The following PTPRM variants were observed in gnomAD, a reference collection of about 807,000 sequenced individuals.
PTPRM encodes receptor-type tyrosine-protein phosphatase mu.
PTPRM carries 47 observed loss-of-function variants against 186.7 expected under a neutral mutation model. That is an observed-to-expected ratio of 0.25 (90% confidence interval 0.20 to 0.32). PTPRM has a LOEUF of 0.32. PTPRM is among the 10% of genes least tolerant of loss of function. The probability of loss-of-function intolerance (pLI) is 1.00; values close to 1 mark genes in which losing one functional copy is unlikely to be tolerated. For synonymous variants in PTPRM, 668 were observed against 674.9 expected, an observed-to-expected ratio of 0.99 and a Z score of 0.16; for missense variants, 1,494 against 1,865.0, an observed-to-expected ratio of 0.80 and a Z score of 3.66.
Position 7,906,880 on chromosome 18 carries a change from C to T in PTPRM, c.547+297C>T, listed in dbSNP as rs1443811588. Among the ~76,000 whole-genome samples the T allele has an allele frequency of 2.0e-5, 3 of 152,288 alleles. No homozygotes were observed. The Middle Eastern group carries it at 0.01, about 518-fold the overall frequency. ...ATTTGTTGCCGTGGTCTTTAGAATT[C>T]GCTTTTCAGTAGTAGCACAAAGTTA... On this transcript the variant is annotated intron_variant, in intron 4 of 32. Transcript: ENST00000580170.
At chr18:8,347,496 T>C (rs1004238480) in intron 23 of PTPRM, among the ~76,000 whole-genome samples, 2 of 152,186 alleles carry the variant, frequency 1.3e-5, no homozygotes, top group Non-Finnish European at 2.9e-5. Flanking sequence ...GCCCACTGTG[T>C]CTGAGACATG....
chr18:7,718,911 G>A (rs1348479428), intron 1 of PTPRM, among the ~76,000 whole-genome samples: 1 of 152,174 alleles, frequency 6.6e-6, no homozygotes, highest in African/African-American at 2.4e-5. Context: ...TGTTGGTATG[G>A]TTGTGATGAA....
At chr18:7,763,183 T>C (rs749130697) in intron 1 of PTPRM, among the ~76,000 whole-genome samples, 6 of 152,138 alleles carry the variant, frequency 3.9e-5, no homozygotes, top group Non-Finnish European at 8.8e-5. Context: ...ATTAGATTGG[T>C]GATTTGGATT....
chr18:7,683,251 G>A lies in PTPRM; in HGVS notation c.74-90898G>A, dbSNP rs575019685. Among the ~76,000 whole-genome samples the A allele has an allele frequency of 2.0e-5, 3 of 147,344 alleles. No homozygotes were observed. The East Asian group carries it at 6.0e-4, about 30-fold the overall frequency. ...TGCAATCATGCCTTACTGCAGCCTC[G>A]AACTCCTGGGCTCAAGCCATCCATC... On this transcript the variant is annotated intron_variant, in intron 1 of 32. Coordinates refer to ENST00000580170, the MANE Select transcript of PTPRM (RefSeq NM_001105244.2).
chr18:8,123,541 A>G (rs1228215460), intron 13 of PTPRM, among the ~76,000 whole-genome samples: 10 of 152,340 alleles, frequency 6.6e-5, no homozygotes, highest in Non-Finnish European at 1.3e-4. Flanking sequence ...TTTTAAAGCT[A>G]TCAATTTATT....
At position 8,193,666 on chromosome 18, in the gene PTPRM, G is replaced by C. The variant is rs375992997; in HGVS notation, c.2300+49887G>C. Among the ~76,000 whole-genome samples, 6 of 152,318 alleles carry C rather than the reference G, an allele frequency of 3.9e-5. No homozygotes were observed. The East Asian group carries it at 9.6e-4, about 24-fold the overall frequency. ...AGCAGAACACAGTAGTGAGTGCACA[G>C]CTGGCAGCCTTCTGCTTTGATTAAG... On this transcript the variant is annotated intron_variant, in intron 14 of 32. Coordinates refer to ENST00000580170, the MANE Select transcript of PTPRM (RefSeq NM_001105244.2).
At chr18:8,091,625 T>C (rs991131664) in intron 11 of PTPRM, among the ~76,000 whole-genome samples, 1 of 151,722 alleles carries the variant, frequency 6.6e-6, no homozygotes, top group Admixed American at 6.6e-5. Context: ...GAATGTTGTC[T>C]TCAAGGGATT....
chr18:7,868,625 T>A (rs558671542), intron 2 of PTPRM, among the ~76,000 whole-genome samples: 1 of 152,270 alleles, frequency 6.6e-6, no homozygotes, highest in South Asian at 2.1e-4. Context: ...CTATGTGAGG[T>A]GTCTGTCAAC....
chr18:8,283,958 A>T (rs979989742), intron 19 of PTPRM, among the ~76,000 whole-genome samples: 1 of 152,080 alleles, frequency 6.6e-6, no homozygotes, highest in African/African-American at 2.4e-5. Context: ...TTGGTTATTT[A>T]TTGTGATTTT....
chr18:8,115,606 T>C (rs7350987), intron 13 of PTPRM, among the ~76,000 whole-genome samples: 71,166 of 152,096 alleles, frequency 0.47, 17,620 homozygotes, highest in African/African-American at 0.62. Context: ...TACAATCATT[T>C]AGATCATTGG....
chr18:8,344,446 G>GTATA (rs1412437272), intron 23 of PTPRM, among the ~76,000 whole-genome samples: 11 of 16,618 alleles, frequency 6.6e-4, no homozygotes, highest in Admixed American at 9.1e-4. Context: ...GTGTGTGTGT[G>GTATA]TGTATATATA....
chr18:8,296,568 T>G, intron 20 of PTPRM, 113 bp downstream of exon 20: 1 of 701,562 alleles, frequency 1.4e-6, no homozygotes, highest in Non-Finnish European at 2.5e-6. Flanking sequence ...TCCTTCATCC[T>G]TCTAGAACAG....
chr18:8,406,093 C>G lies in PTPRM; in HGVS notation c.4345-16C>G, dbSNP rs758311270. The G allele has an allele frequency of 6.2e-7, 1 of 1,613,336 alleles. No individual in the cohort carries two copies. Among genetic ancestry groups the G allele is most frequent in the South Asian group, 1.1e-5 (1 of 91,066 alleles). ...GAGATATTCTTGAGCTGACACTTTC[C>G]CCTCCTGTTTTCCAGGATCAGTACA... On this transcript the variant is annotated splice_polypyrimidine_tract_variant and intron_variant, in intron 32 of 32. Coordinates refer to ENST00000580170, the MANE Select transcript of PTPRM (RefSeq NM_001105244.2).
At chr18:8,262,729 T>C (rs2094647213) in intron 19 of PTPRM, among the ~76,000 whole-genome samples, 1 of 152,242 alleles carries the variant, frequency 6.6e-6, no homozygotes, top group Non-Finnish European at 1.5e-5. Flanking sequence ...GTAGGCAGTA[T>C]ATTAACTGAT....
chr18:8,125,614 A>T (rs1036820065), intron 13 of PTPRM, among the ~76,000 whole-genome samples: 1 of 152,062 alleles, frequency 6.6e-6, no homozygotes, highest in East Asian at 1.9e-4. Flanking sequence ...CACAATTTTT[A>T]AAAAAATGCT....
intron 20 of PTPRM, among the ~76,000 whole-genome samples, chr18:8,311,297 A>G (rs1453745606): frequency 1.3e-5 from 2 of 151,954 alleles, no homozygotes; most frequent in Non-Finnish European, 2.9e-5. Flanking sequence ...CAAAAAGAAC[A>G]AAACTCCGTC....
intron 7 of PTPRM, among the ~76,000 whole-genome samples, chr18:8,005,276 G>T (rs1478819256): frequency 6.6e-6 from 1 of 152,094 alleles, no homozygotes; most frequent in Non-Finnish European, 1.5e-5. Context: ...CTCAAGTAGA[G>T]CCATCTGATT....
intron 1 of PTPRM, among the ~76,000 whole-genome samples, chr18:7,584,547 A>G (rs2036927068): frequency 6.6e-6 from 1 of 152,038 alleles, no homozygotes; most frequent in African/African-American, 2.4e-5. Flanking sequence ...AAGATCAGTG[A>G]GAAATTGTGA....
intron 11 of PTPRM, among the ~76,000 whole-genome samples, chr18:8,108,282 A>G: frequency 6.6e-6 from 1 of 152,132 alleles, no homozygotes; most frequent in East Asian, 1.9e-4. Context: ...TAAAATGAAC[A>G]ATATTCTAAG....
Sources: gnomAD v4.1 joint callset for allele counts (sites outside exome capture counted in the v4.1 genomes callset) on GRCh38, gnomAD v4.1.1 for gene constraint, MANE v1.5 for transcripts, NCBI Gene and HGNC (gene_info 2026-07-23, HGNC 2026-07-21) for gene names.